Variants in CTIF observed in about 807,000 individuals in gnomAD.
The protein encoded by CTIF is CBP80/20-dependent translation initiation factor.
Under a neutral mutation model 66.0 loss-of-function variants are expected in CTIF, and 21 were observed. The ratio of observed to expected loss-of-function variants is 0.32; its 90% CI spans 0.23 to 0.46. The LOEUF (loss-of-function observed/expected upper bound fraction) is 0.46, where lower values mean the gene tolerates loss of function less well. Among genes scored for constraint, CTIF ranks in the 20% least tolerant of loss-of-function variants. The probability of loss-of-function intolerance (pLI) is 1.00; values close to 1 mark genes in which losing one functional copy is unlikely to be tolerated. For synonymous variants in CTIF, 345 were observed against 326.4 expected, an observed-to-expected ratio of 1.06 and a Z score of -0.62; for missense variants, 739 against 812.7, an observed-to-expected ratio of 0.91 and a Z score of 1.10.
intron 10 of CTIF, among the ~76,000 whole-genome samples, chr18:48,846,852 TG>T (rs2069091180): frequency 6.6e-6 from 1 of 150,488 alleles, no homozygotes. Flanking sequence ...AATGGATGGG[TG>T]GATGGATGGA....
intron 3 of CTIF, among the ~76,000 whole-genome samples, chr18:48,638,818 C>T (rs1037804772): frequency 5.3e-5 from 8 of 152,240 alleles, no homozygotes; most frequent in African/African-American, 1.9e-4. Flanking sequence ...GGAACTGAGA[C>T]GTAGCTTCAT....
Position 48,742,595 on chromosome 18 carries a change from G to C in CTIF, c.585-15324G>C, listed in dbSNP as rs747649413. On this transcript the variant is annotated intron_variant, in intron 7 of 11. Transcript: ENST00000256413. The stretch of plus-strand genomic sequence containing the variant: ...CCGAGTGAGTGATGACAGCAGCAGC[G>C]GGATCAACTTATTGAGCCTTGCTCT... 8.4e-4 allele frequency among the ~76,000 whole-genome samples: 128 copies of C among 152,352 alleles called. No individual in the cohort carries two copies. In the Middle Eastern group the frequency reaches 0.044, roughly 53 times the overall value.
intron 2 of CTIF, among the ~76,000 whole-genome samples, chr18:48,632,331 G>A (rs574856006): frequency 2.8e-4 from 43 of 152,268 alleles, no homozygotes; most frequent in African/African-American, 9.4e-4. Context: ...ACAGTCACAC[G>A]CAGGGCCACA....
intron 3 of CTIF, among the ~76,000 whole-genome samples, chr18:48,637,210 C>T (rs913758921): frequency 4.6e-5 from 7 of 152,200 alleles, no homozygotes; most frequent in South Asian, 2.1e-4. Context: ...CCTGGGACCC[C>T]GCCAGAGCCT....
At chr18:48,639,143 G>C (rs2090880436) in intron 3 of CTIF, among the ~76,000 whole-genome samples, 1 of 152,256 alleles carries the variant, frequency 6.6e-6, no homozygotes, top group South Asian at 2.1e-4. Context: ...GAGCCGGCTG[G>C]GACGGAAGGG....
At chr18:48,783,472 T>C (rs1022814740) in intron 9 of CTIF, among the ~76,000 whole-genome samples, 6 of 152,130 alleles carry the variant, frequency 3.9e-5, no homozygotes, top group African/African-American at 1.2e-4. Flanking sequence ...CAATAAATCT[T>C]GGAGCTCAGG....
chr18:48,626,696 T>C (rs299710), intron 2 of CTIF, among the ~76,000 whole-genome samples: 57,232 of 141,436 alleles, frequency 0.4, 14,153 homozygotes, highest in African/African-American at 0.7. Context: ...GCTCTTGTTG[T>C]CGAGGCTGGA....
chr18:48,804,154 G>A (rs894780863), intron 9 of CTIF, among the ~76,000 whole-genome samples: 19 of 152,188 alleles, frequency 1.2e-4, no homozygotes, highest in African/African-American at 4.1e-4. Context: ...GGATACTTGG[G>A]GAAAGGTTCA....
intron 1 of CTIF, among the ~76,000 whole-genome samples, chr18:48,586,054 G>A (rs114294523): frequency 1.3e-5 from 2 of 152,266 alleles, no homozygotes; most frequent in Admixed American, 6.5e-5. Flanking sequence ...TGTCGCAGGG[G>A]TGGTGGCCTC....
chr18:48,712,811 G>C (rs533579680), intron 7 of CTIF, among the ~76,000 whole-genome samples: 1 of 152,342 alleles, frequency 6.6e-6, no homozygotes, highest in African/African-American at 2.4e-5. Flanking sequence ...ATTATTAGGT[G>C]GTGACTGCAA....
intron 3 of CTIF, among the ~76,000 whole-genome samples, chr18:48,648,213 G>T (rs1029633832): frequency 1.3e-5 from 2 of 152,086 alleles, no homozygotes; most frequent in African/African-American, 4.8e-5. Flanking sequence ...CATTATCATT[G>T]TCTCCTATCT....
intron 10 of CTIF, among the ~76,000 whole-genome samples, chr18:48,835,357 C>T (rs2068786260): frequency 6.6e-6 from 1 of 152,206 alleles, no homozygotes; most frequent in African/African-American, 2.4e-5. Context: ...GATGGTCTTA[C>T]AGAGGCAGTC....
intron 6 of CTIF, among the ~76,000 whole-genome samples, chr18:48,711,117 A>G (rs919534092): frequency 6.6e-6 from 1 of 152,210 alleles, no homozygotes; most frequent in Non-Finnish European, 1.5e-5. Flanking sequence ...TTAGGAGACA[A>G]ATTTCCTCTT....
chr18:48,670,589 C>A, intron 5 of CTIF, 80 bp from the exon 6 acceptor site: 1 of 1,299,844 alleles, frequency 7.7e-7, no homozygotes, highest in Non-Finnish European at 1.1e-6. Context: ...GCTGACTGTC[C>A]CTCCTCTCCT....
intron 5 of CTIF, among the ~76,000 whole-genome samples, 166 bp downstream of exon 5, chr18:48,664,717 G>C (rs1364494531): frequency 9.4e-5 from 3 of 31,762 alleles, no homozygotes; most frequent in African/African-American, 1.4e-4. Flanking sequence ...GCTTCTCCTG[G>C]AATCCCTCCA....
intron 1 of CTIF, among the ~76,000 whole-genome samples, chr18:48,595,387 C>T (rs978761380): frequency 2.0e-5 from 3 of 152,074 alleles, no homozygotes; most frequent in Admixed American, 2.0e-4. Flanking sequence ...CTCAAATTAC[C>T]CCAAAACTTA....
chr18:48,774,797 G>A (rs1009078944), intron 9 of CTIF, among the ~76,000 whole-genome samples: 4 of 152,204 alleles, frequency 2.6e-5, no homozygotes, highest in Non-Finnish European at 4.4e-5. Context: ...ACGAAAGAAG[G>A]GGGTAGCTTA....
At chr18:48,631,457 C>G (rs1324144029) in intron 2 of CTIF, among the ~76,000 whole-genome samples, 1 of 152,226 alleles carries the variant, frequency 6.6e-6, no homozygotes, top group Non-Finnish European at 1.5e-5. Context: ...GAGTGAGACT[C>G]CGTCTCAAAA....
chr18:48,606,306 G>A (rs2090199586), intron 1 of CTIF, among the ~76,000 whole-genome samples: 1 of 152,222 alleles, frequency 6.6e-6, no homozygotes. Flanking sequence ...CTGAGATATT[G>A]CTAGTCCAGG....
Sources: gnomAD v4.1 joint callset for allele counts (sites outside exome capture counted in the v4.1 genomes callset) on GRCh38, gnomAD v4.1.1 for gene constraint, MANE v1.5 for transcripts, NCBI Gene and HGNC (gene_info 2026-07-23, HGNC 2026-07-21) for gene names.